Variants in MAD1L1 observed in about 807,000 individuals in gnomAD.
MAD1L1 encodes the protein mitotic spindle assembly checkpoint protein MAD1.
In MAD1L1, 95 loss-of-function variants were observed where a neutral mutation model predicts 96.9. The ratio of observed to expected loss-of-function variants is 0.98; its 90% CI spans 0.83 to 1.16. The LOEUF is 1.16. Ranked by LOEUF, MAD1L1 falls within the 50% of genes most tolerant of loss-of-function variation. MAD1L1 has a pLI of 0.00. For synonymous variants in MAD1L1, 473 were observed against 396.6 expected (o/e 1.19, Z -2.29); for missense variants, 1,007 against 954.4 (o/e 1.06, Z -0.73).
chr7:1,944,438 G>A (rs1779138274), intron 16 of MAD1L1, among the ~76,000 whole-genome samples: 1 of 152,208 alleles, frequency 6.6e-6, no homozygotes, highest in African/African-American at 2.4e-5. Flanking sequence ...AAGCGTGGAT[G>A]CAGCTGCCAG....
chr7:2,224,787 C>T (rs1205847765), intron 4 of MAD1L1, among the ~76,000 whole-genome samples: 2 of 152,154 alleles, frequency 1.3e-5, no homozygotes, highest in Non-Finnish European at 2.9e-5. Flanking sequence ...AACCTAATTC[C>T]CTCCCCAAGG....
At chr7:2,169,273 CGG>C (rs1790590484) in intron 10 of MAD1L1, among the ~76,000 whole-genome samples, 3 of 152,126 alleles carry the variant, frequency 2.0e-5, no homozygotes, top group African/African-American at 7.2e-5. Flanking sequence ...CTCCTAAGAG[CGG>C]GTAGGGATGC....
intron 12 of MAD1L1, among the ~76,000 whole-genome samples, chr7:2,019,812 G>A (rs974750988): frequency 5.3e-5 from 8 of 152,210 alleles, no homozygotes; most frequent in South Asian, 2.1e-4. Flanking sequence ...CTCCTGGGCC[G>A]GATGCCCTGG....
chr7:1,886,008 C>G (rs889316680), intron 18 of MAD1L1, among the ~76,000 whole-genome samples: 3 of 152,270 alleles, frequency 2.0e-5, no homozygotes, highest in African/African-American at 7.2e-5. Flanking sequence ...CCTACTGCCT[C>G]CACCCCACGA....
intron 11 of MAD1L1, among the ~76,000 whole-genome samples, chr7:2,117,429 A>G (rs1443405683): frequency 2.0e-5 from 3 of 152,348 alleles, no homozygotes; most frequent in Admixed American, 1.3e-4. Context: ...AGGAGGCATG[A>G]TATGATATGG....
intron 10 of MAD1L1, among the ~76,000 whole-genome samples, chr7:2,194,226 C>T (rs138853910): frequency 3.9e-5 from 6 of 152,066 alleles, no homozygotes; most frequent in Admixed American, 1.3e-4. Flanking sequence ...TCCCAAAGTG[C>T]GGGGATTACG....
At chr7:2,104,399 C>A (rs894907047) in intron 11 of MAD1L1, among the ~76,000 whole-genome samples, 5 of 152,252 alleles carry the variant, frequency 3.3e-5, no homozygotes, top group African/African-American at 1.2e-4. Context: ...AAGGGGGACG[C>A]AGTCTGGCAT....
At chr7:1,912,598 G>A (rs1194724779) in intron 17 of MAD1L1, among the ~76,000 whole-genome samples, 1 of 152,066 alleles carries the variant, frequency 6.6e-6, no homozygotes, top group African/African-American at 2.4e-5. Context: ...CCCCATCCCT[G>A]CACCAGTGGG....
intron 12 of MAD1L1, among the ~76,000 whole-genome samples, chr7:2,025,232 G>C (rs562666396): frequency 1.3e-5 from 2 of 152,118 alleles, no homozygotes; most frequent in African/African-American, 4.8e-5. Flanking sequence ...AGATCTAGAG[G>C]AACATTTCAA....
At position 2,202,695 on chromosome 7, in the gene MAD1L1, A is replaced by G. The variant is rs1015880591; in HGVS notation, c.986+10517T>C. On this transcript the variant is annotated intron_variant, in intron 10 of 18. Transcript: ENST00000265854. ...GGACCAACATACCTGACAGTCGCCC[A>G]CCTTCCCAAGCACCACCAGGGCGTC... 1.1e-4 allele frequency among the ~76,000 whole-genome samples: 16 copies of G among 152,318 alleles called. No homozygotes were observed. In the East Asian group the frequency reaches 1.3e-3, roughly 13 times the overall value.
chr7:2,030,198 C>T (rs544112872), intron 12 of MAD1L1, among the ~76,000 whole-genome samples: 2 of 152,302 alleles, frequency 1.3e-5, no homozygotes, highest in Admixed American at 6.5e-5. Flanking sequence ...CGCTACGCCC[C>T]GCCCCGCGCT....
intron 11 of MAD1L1, among the ~76,000 whole-genome samples, chr7:2,130,586 T>C (rs1333235620): frequency 6.6e-6 from 1 of 152,164 alleles, no homozygotes; most frequent in East Asian, 1.9e-4. Flanking sequence ...TCACTCCTAC[T>C]TGTAAAAGAA....
rs1051176345 is a variant in MAD1L1, at chr7:2,103,093, G to A, written c.1074-33755C>T. On this transcript the variant is annotated intron_variant, in intron 11 of 18. Coordinates refer to ENST00000265854, the MANE Select transcript of MAD1L1 (RefSeq NM_001013836.2). This position sits in a 1 kb window ranked among gnomAD's most constrained non-coding sequence, Gnocchi z 4.3. ...CACGCTGCCTGCCTGCTGGAGACGC[G>A]CGTCCTCTCCCACCTCAGGGCCCCT... Among the ~76,000 whole-genome samples, 6 of 152,170 alleles carry A rather than the reference G, an allele frequency of 3.9e-5. No individual in the cohort carries two copies. The highest frequency in any genetic ancestry group is 2.1e-4 in the South Asian group (1 of 4,814).
chr7:2,061,978 C>A (rs1017404016), intron 12 of MAD1L1, among the ~76,000 whole-genome samples: 1 of 152,178 alleles, frequency 6.6e-6, no homozygotes, highest in Non-Finnish European at 1.5e-5. Context: ...CAGTGGCTCA[C>A]GCCTGTAATC....
intron 11 of MAD1L1, among the ~76,000 whole-genome samples, chr7:2,147,323 C>T (rs1246689233): frequency 1.3e-5 from 2 of 152,234 alleles, no homozygotes; most frequent in South Asian, 2.1e-4. Flanking sequence ...CTCTCCACTG[C>T]CCCATCTCAG....
intron 12 of MAD1L1, among the ~76,000 whole-genome samples, chr7:2,020,374 G>T (rs1340716566): frequency 6.6e-6 from 1 of 152,220 alleles, no homozygotes; most frequent in African/African-American, 2.4e-5. Context: ...CCCGGCCCCG[G>T]CACCATGCGG....
chr7:2,098,814 G>C (rs576226481), intron 11 of MAD1L1, among the ~76,000 whole-genome samples: 1 of 152,212 alleles, frequency 6.6e-6, no homozygotes, highest in East Asian at 1.9e-4. Context: ...CCAAGGCCCG[G>C]CGTCCCCAGA....
chr7:2,133,626 G>C (rs1265597648), intron 11 of MAD1L1, among the ~76,000 whole-genome samples: 3 of 152,202 alleles, frequency 2.0e-5, no homozygotes, highest in African/African-American at 7.2e-5. Flanking sequence ...CTGCCTAATT[G>C]AGAGTCAGCT....
intron 8 of MAD1L1, 45 bp from the exon 9 acceptor site, chr7:2,216,044 G>A (rs768422866): frequency 1.9e-6 from 3 of 1,611,984 alleles, no homozygotes; most frequent in Middle Eastern, 1.6e-4. Flanking sequence ...CACACCCTAG[G>A]GATAAGGCCA....
Sources: allele counts gnomAD v4.1 joint callset (sites outside exome capture counted in the v4.1 genomes callset), GRCh38; gene constraint gnomAD v4.1.1; non-coding constraint Gnocchi (gnomAD v3.1); transcripts MANE v1.5; gene names NCBI Gene and HGNC (gene_info 2026-07-23, HGNC 2026-07-21).